ARHGEF28: variants seen among roughly 807,000 people sequenced by gnomAD.
ARHGEF28 encodes the protein Rho guanine nucleotide exchange factor 28.
Under a neutral mutation model 206.6 loss-of-function variants are expected in ARHGEF28, and 152 were observed. The observed-to-expected ratio is 0.74, with a 90% CI of 0.64 to 0.84. The LOEUF (loss-of-function observed/expected upper bound fraction) is 0.84, where lower values mean the gene tolerates loss of function less well. Among genes scored for constraint, ARHGEF28 ranks in the 40% least tolerant of loss-of-function variants. The pLI is 0.00. For synonymous variants in ARHGEF28, 763 were observed against 776.4 expected, an observed-to-expected ratio of 0.98 and a Z score of 0.29; for missense variants, 2,028 against 2,073.2, an observed-to-expected ratio of 0.98 and a Z score of 0.42.
Position 73,796,747 on chromosome 5 carries a change from A to C in ARHGEF28, c.1024+1356A>C, listed in dbSNP as rs565139978. Among the ~76,000 whole-genome samples, 7 of 152,324 alleles carry C rather than the reference A, an allele frequency of 4.6e-5. No homozygotes were observed. The East Asian group carries it at 1.3e-3, about 29-fold the overall frequency. ...TAATATTTTTGCTATTTAAGGTAAG[A>C]GTAATGATTTACTTACAGAAGAGGG... On this transcript the variant is annotated intron_variant, in intron 9 of 35. Transcript: ENST00000513042.
At chr5:73,883,911 T>G (rs1465127028) in intron 24 of ARHGEF28, 27 bp downstream of exon 24, 4 of 1,415,570 alleles carry the variant, frequency 2.8e-6, no homozygotes, top group Non-Finnish European at 3.8e-6. Flanking sequence ...GGGATAAAAA[T>G]TTGCCCCTCT....
At chr5:73,799,640 G>T (rs1755020012) in intron 9 of ARHGEF28, among the ~76,000 whole-genome samples, 1 of 152,216 alleles carries the variant, frequency 6.6e-6, no homozygotes. Flanking sequence ...CTCATGGTCT[G>T]CATTAGATTA....
intron 1 of ARHGEF28, among the ~76,000 whole-genome samples, chr5:73,671,426 T>C (rs1261525738): frequency 6.6e-6 from 1 of 152,092 alleles, no homozygotes; most frequent in African/African-American, 2.4e-5. Context: ...CTCAGACTTT[T>C]AGGTATCAGC....
At chr5:73,805,266 C>A (rs1486857) in intron 9 of ARHGEF28, among the ~76,000 whole-genome samples, 63,523 of 151,762 alleles carry the variant, frequency 0.42, 14,229 homozygotes, top group East Asian at 0.51. Flanking sequence ...TGCCTTTATC[C>A]AAATCCACAG....
intron 33 of ARHGEF28, chr5:73,904,873 A>G (rs1762463543): frequency 6.2e-6 from 1 of 160,564 alleles, no homozygotes; most frequent in African/African-American, 2.4e-5. Flanking sequence ...ATGAACACAC[A>G]GTGCCTGTCT....
intron 33 of ARHGEF28, among the ~76,000 whole-genome samples, chr5:73,907,754 AATGAATATTTAAATTTAG>A (rs1437981007): frequency 6.6e-6 from 1 of 152,262 alleles, no homozygotes; most frequent in Non-Finnish European, 1.5e-5. Context: ...TTTAGCTTTA[AATGAATATTTAAATTTAG>A]ATGAATATCC....
chr5:73,897,957 C>CTT lies in ARHGEF28; in HGVS notation c.3842-4_3842-3dup. The CTT allele has an allele frequency of 1.3e-6, 2 of 1,564,978 alleles. No homozygotes were observed. The highest frequency in any genetic ancestry group is 1.7e-6 in the Non-Finnish European group (2 of 1,153,794). ...TAGATTTATTTTTGTTTTTCTCCAT[C>CTT]TTAGCTGAGAGCCTACAAGTTGCAG... is the stretch of plus-strand genomic sequence containing the variant. On this transcript the variant is annotated splice_polypyrimidine_tract_variant and splice_region_variant and intron_variant, in intron 29 of 35. Transcript: ENST00000513042.
chr5:73,729,011 T>C (rs1750447196), intron 2 of ARHGEF28, among the ~76,000 whole-genome samples: 2 of 152,182 alleles, frequency 1.3e-5, no homozygotes, highest in African/African-American at 4.8e-5. Context: ...CACTGCAGTC[T>C]GAAGGGACTG....
chr5:73,842,635 C>A lies in ARHGEF28; in HGVS notation c.1427+1875C>A, dbSNP rs988282575. On this transcript the variant is annotated intron_variant, in intron 11 of 35. Coordinates refer to ENST00000513042, the MANE Select transcript of ARHGEF28 (RefSeq NM_001177693.2). ...CCACACAAGATTCTATACAGTTTTG[C>A]AAAAATAAATTGAGCTATGTGTGAT... 3.9e-5 allele frequency among the ~76,000 whole-genome samples: 6 copies of A among 152,062 alleles called. No individual in the cohort carries two copies. In the East Asian group the frequency reaches 1.2e-3, roughly 29 times the overall value.
chr5:73,886,902 T>C (rs567005589), intron 25 of ARHGEF28, among the ~76,000 whole-genome samples: 1 of 152,296 alleles, frequency 6.6e-6, no homozygotes, highest in African/African-American at 2.4e-5. Context: ...ATAACATCCA[T>C]AGGTAGGCAG....
chr5:73,941,631 C>G lies in ARHGEF28; in HGVS notation c.*618C>G, dbSNP rs535127659. ...GCCTAATGCTGGTGGGGTTTCAAGA[C>G]ATGGTTCAGCATCATCTTTTAACAA... is the stretch of plus-strand genomic sequence containing the variant. On this transcript the variant is annotated 3_prime_UTR_variant, in exon 36 of 36. Coordinates refer to ENST00000513042, the MANE Select transcript of ARHGEF28 (RefSeq NM_001177693.2). 6.6e-6 allele frequency: 1 copy of G among 152,378 alleles called. No homozygotes were observed. The highest frequency in any genetic ancestry group is 1.9e-4 in the East Asian group (1 of 5,188). The allele number at this position is 152,378 out of a possible 1,614,324, so 9.4% of individuals were successfully genotyped here.
At chr5:73,739,475 C>T (rs1329135308) in intron 2 of ARHGEF28, among the ~76,000 whole-genome samples, 1 of 151,966 alleles carries the variant, frequency 6.6e-6, no homozygotes, top group Non-Finnish European at 1.5e-5. Flanking sequence ...AGCATAAATC[C>T]AAGGAGTTAG....
chr5:73,883,970 G>C, intron 24 of ARHGEF28, 86 bp downstream of exon 24: 1 of 690,316 alleles, frequency 1.4e-6, no homozygotes, highest in Non-Finnish European at 2.2e-6. Flanking sequence ...ATCAGTGTTT[G>C]TGGTCTCTGA....
At chr5:73,785,864 C>T (rs888650752) in intron 7 of ARHGEF28, among the ~76,000 whole-genome samples, 3 of 151,748 alleles carry the variant, frequency 2.0e-5, no homozygotes, top group African/African-American at 4.8e-5. Context: ...TGGAGGCAGC[C>T]GCTCTCACCG....
At chr5:73,859,537 G>A (rs1387271590) in intron 16 of ARHGEF28, among the ~76,000 whole-genome samples, 1 of 152,192 alleles carries the variant, frequency 6.6e-6, no homozygotes, top group Non-Finnish European at 1.5e-5. Context: ...TCTCACAGTT[G>A]ACATTGTGTT....
intron 5 of ARHGEF28, 93 bp downstream of exon 5, chr5:73,774,131 T>G: frequency 8.3e-7 from 1 of 1,209,818 alleles, no homozygotes; most frequent in South Asian, 1.7e-5. Context: ...CAAGCTAATG[T>G]TGGTTTATGT....
intron 2 of ARHGEF28, among the ~76,000 whole-genome samples, chr5:73,727,664 T>A (rs74796496): frequency 0.025 from 3,866 of 152,318 alleles, 201 homozygotes; most frequent in African/African-American, 0.088. Context: ...TTTTCTTGGA[T>A]ATCATCCTTT....
chr5:73,873,006 GCAAA>G lies in ARHGEF28; in HGVS notation c.2577_2580del (p.Thr860ArgfsTer19). The G allele has an allele frequency of 1.2e-6, 2 of 1,613,564 alleles. No homozygotes were observed. Among genetic ancestry groups the G allele is most frequent in the South Asian group, 1.1e-5 (1 of 91,022 alleles). ...TGTGCTCACACATTTCAGAGCTAAT[GCAAA>G]CAGAGATGCATCACATCCAGACCCT... On this transcript the variant is annotated frameshift_variant, in exon 22 of 36. Transcript: ENST00000513042. LOFTEE classifies it high-confidence loss of function.
chr5:73,658,999 A>ACC, intron 1 of ARHGEF28, among the ~76,000 whole-genome samples: 1 of 151,080 alleles, frequency 6.6e-6, no homozygotes, highest in South Asian at 2.1e-4. Context: ...ACACACACAC[A>ACC]CACACACCAC....
Sources: allele counts gnomAD v4.1 joint callset (sites outside exome capture counted in the v4.1 genomes callset), GRCh38; gene constraint gnomAD v4.1.1; transcripts MANE v1.5; gene names NCBI Gene and HGNC (gene_info 2026-07-23, HGNC 2026-07-21).